STK38: variants seen among roughly 807,000 people sequenced by gnomAD.
The protein encoded by STK38 is serine/threonine-protein kinase 38.
Under a neutral mutation model 59.0 loss-of-function variants are expected in STK38, and 26 were observed. The observed-to-expected ratio is 0.44, with a 90% CI of 0.32 to 0.61. The LOEUF (loss-of-function observed/expected upper bound fraction) is 0.61, where lower values mean the gene tolerates loss of function less well. Among genes scored for constraint, STK38 ranks in the 20% least tolerant of loss-of-function variants. The probability of loss-of-function intolerance (pLI) is 0.04; values close to 1 mark genes in which losing one functional copy is unlikely to be tolerated. For missense variants in STK38, 433 were observed against 566.0 expected, an observed-to-expected ratio of 0.76 and a Z score of 2.38; for synonymous variants, 175 against 176.6, an observed-to-expected ratio of 0.99 and a Z score of 0.07.
intron 7 of STK38, among the ~76,000 whole-genome samples, chr6:36,508,012 C>T (rs1204384154): frequency 6.7e-6 from 1 of 148,668 alleles, no homozygotes; most frequent in East Asian, 2.0e-4. Flanking sequence ...TGGCTCACTG[C>T]AGCCTCGACC....
chr6:36,500,437 G>A (rs2127467058), intron 9 of STK38, among the ~76,000 whole-genome samples: 3 of 152,206 alleles, frequency 2.0e-5, no homozygotes, highest in Middle Eastern at 6.8e-3. Context: ...TGAGACCGCA[G>A]AACTAGTTAG....
chr6:36,496,627 T>A, intron 13 of STK38, 84 bp downstream of exon 13: 1 of 973,918 alleles, frequency 1.0e-6, no homozygotes, highest in Non-Finnish European at 1.6e-6. Context: ...CCATGTTCAC[T>A]ACCCTGATTT....
At chr6:36,535,536 A>G (rs1777768038) in intron 2 of STK38, among the ~76,000 whole-genome samples, 1 of 152,158 alleles carries the variant, frequency 6.6e-6, no homozygotes, top group African/African-American at 2.4e-5. Flanking sequence ...CAATATTGTT[A>G]AGATGTCGAT....
At position 36,525,655 on chromosome 6, in the gene STK38, A is replaced by G; in HGVS notation, c.132-13T>C. ...TAACTTCTTTTGTCTAAAACAAACA[A>G]AAACAAAAGACATGAAATCACATCT... On this transcript the variant is annotated splice_polypyrimidine_tract_variant and intron_variant, in intron 2 of 13. Coordinates refer to ENST00000229812, the MANE Select transcript of STK38 (RefSeq NM_007271.4). 3 of 1,608,772 alleles carry G rather than the reference A, an allele frequency of 1.9e-6. No individual in the cohort carries two copies. The highest frequency in any genetic ancestry group is 1.1e-5 in the South Asian group (1 of 90,862).
Position 36,504,898 on chromosome 6 carries a change from C to CAA in STK38, c.834+1683_834+1684dup, listed in dbSNP as rs562032331. On this transcript the variant is annotated intron_variant, in intron 9 of 13. Coordinates refer to ENST00000229812, the MANE Select transcript of STK38 (RefSeq NM_007271.4). The stretch of plus-strand genomic sequence containing the variant: ...TAGCCAAAGGTTAAATCCTGGCCTC[C>CAA]AAAAAAAAAAAAAAAAAAAAAAAAG... Among the ~76,000 whole-genome samples the CAA allele has an allele frequency of 5.9e-3, 376 of 63,828 alleles. 2 individuals carry two copies. The highest frequency in any genetic ancestry group is 7.5e-3 in the Non-Finnish European group (246 of 32,716). The allele number at this position is 63,828 out of a possible 152,430, so 41.9% of individuals were successfully genotyped here. A position where few individuals can be genotyped will look rare whatever the true frequency, so the allele number is the denominator to read the frequency against.
chr6:36,512,142 T>C (rs901716960), intron 7 of STK38, among the ~76,000 whole-genome samples: 1 of 152,202 alleles, frequency 6.6e-6, no homozygotes, highest in African/African-American at 2.4e-5. Flanking sequence ...TATTCAAGCC[T>C]AGCCTTTCAG....
chr6:36,498,377 C>T lies in STK38; in HGVS notation c.1062G>A (p.Lys354=), dbSNP rs779186920. Residue 354 remains lysine, a synonymous_variant, in exon 11 of 14, where the codon AAG becomes AAA. Transcript: ENST00000229812. ...PPEVPISEKA[K]DLILRFCCEW... ...TTCTCTAATACCTCAAAATTAGATC[C>T]TTGGCTTTCTCAGAGATGGGAACTT... The T allele has an allele frequency of 1.9e-6, 3 of 1,613,598 alleles. No homozygotes were observed. Among genetic ancestry groups the T allele is most frequent in the South Asian group, 1.1e-5 (1 of 91,050 alleles).
intron 2 of STK38, among the ~76,000 whole-genome samples, chr6:36,539,745 A>AT (rs55784149): frequency 0.64 from 83,477 of 131,294 alleles, 27,278 homozygotes; most frequent in Non-Finnish European, 0.7. Context: ...ATTGGGCCTA[A>AT]TTTTTTTTTT....
At chr6:36,533,032 C>T (rs1412934789) in intron 2 of STK38, among the ~76,000 whole-genome samples, 4 of 149,116 alleles carry the variant, frequency 2.7e-5, no homozygotes, top group African/African-American at 5.0e-5. Flanking sequence ...CGCCACTGCC[C>T]TCCAGCCTGT....
chr6:36,539,401 C>G (rs1047692323), intron 2 of STK38, among the ~76,000 whole-genome samples: 12 of 149,918 alleles, frequency 8.0e-5, no homozygotes, highest in African/African-American at 2.9e-4. Flanking sequence ...AAAAAAAAAA[C>G]CAATAAATAA....
At chr6:36,504,191 ATG>A (rs1232307048) in intron 9 of STK38, among the ~76,000 whole-genome samples, 10 of 152,246 alleles carry the variant, frequency 6.6e-5, no homozygotes, top group African/African-American at 2.4e-4. Flanking sequence ...TTGGATGCCT[ATG>A]TGTCTATTAC....
intron 9 of STK38, 40 bp from the exon 10 acceptor site, chr6:36,500,030 AG>A (rs1287252769): frequency 6.6e-7 from 1 of 1,504,880 alleles, no homozygotes; most frequent in Admixed American, 1.7e-5. Context: ...CCAGCCAGGC[AG>A]GAGGTGCCCA....
At position 36,495,769 on chromosome 6, in the gene STK38, T is replaced by A. The variant is rs774274756; in HGVS notation, c.*15A>T. 1 of 1,613,456 alleles carries A rather than the reference T, an allele frequency of 6.2e-7. No homozygotes were observed. The highest frequency in any genetic ancestry group is 1.3e-5 in the African/African-American group (1 of 74,918). Reference sequence around the variant, plus strand: ...CAAAGAACTCTGCTCCACATAGGATTCCGTGGCAAGAGTACTATTTTGCTG... The same window carrying A: ...CAAAGAACTCTGCTCCACATAGGATACCGTGGCAAGAGTACTATTTTGCTG... On this transcript the variant is annotated 3_prime_UTR_variant, in exon 14 of 14. Transcript: ENST00000229812.
intron 2 of STK38, among the ~76,000 whole-genome samples, chr6:36,538,595 C>G (rs1777853519): frequency 6.6e-6 from 1 of 151,842 alleles, no homozygotes; most frequent in South Asian, 2.1e-4. Context: ...TACAACATAC[C>G]TTGAAGTGAG....
At chr6:36,507,923 A>G (rs891311125) in intron 7 of STK38, among the ~76,000 whole-genome samples, 6 of 143,556 alleles carry the variant, frequency 4.2e-5, no homozygotes, top group South Asian at 2.2e-4. Flanking sequence ...TCTATATGGT[A>G]TTCAGAATTT....
chr6:36,530,988 C>T (rs1777655173), intron 2 of STK38, among the ~76,000 whole-genome samples: 1 of 152,112 alleles, frequency 6.6e-6, no homozygotes, highest in South Asian at 2.1e-4. Flanking sequence ...CTGTACCCAG[C>T]CAGAAATACC....
chr6:36,525,002 G>A (rs1450767467), intron 3 of STK38, among the ~76,000 whole-genome samples: 1 of 152,078 alleles, frequency 6.6e-6, no homozygotes, highest in Non-Finnish European at 1.5e-5. Context: ...GGCACTGGGT[G>A]GAAGGGCTGA....
chr6:36,531,368 T>C (rs1046316096), intron 2 of STK38, among the ~76,000 whole-genome samples: 1 of 142,178 alleles, frequency 7.0e-6, no homozygotes, highest in Non-Finnish European at 1.5e-5. Flanking sequence ...CTAGTATTCA[T>C]GAAGAAAAGA....
At chr6:36,527,251 T>G (rs892484781) in intron 2 of STK38, among the ~76,000 whole-genome samples, 1 of 145,810 alleles carries the variant, frequency 6.9e-6, no homozygotes, top group African/African-American at 2.5e-5. Context: ...TACACATGTA[T>G]ACATATGTAT....
Sources: gnomAD v4.1 joint callset for allele counts (sites outside exome capture counted in the v4.1 genomes callset) on GRCh38, gnomAD v4.1.1 for gene constraint, MANE v1.5 for transcripts, NCBI Gene and HGNC (gene_info 2026-07-23, HGNC 2026-07-21) for gene names.